GABBR1: variants seen among roughly 807,000 people sequenced by gnomAD.
GABBR1 encodes gamma-aminobutyric acid type B receptor subunit 1, also known as GABA-B receptor, R1 subunit.
Under a neutral mutation model 117.7 loss-of-function variants are expected in GABBR1, and 35 were observed. The observed-to-expected ratio is 0.30, with a 90% CI of 0.23 to 0.39. The LOEUF (loss-of-function observed/expected upper bound fraction) is 0.39, where lower values mean the gene tolerates loss of function less well. GABBR1 is among the 10% of genes least tolerant of loss of function. The pLI, the probability that GABBR1 is intolerant of heterozygous loss-of-function variation, is 1.00. For missense variants in GABBR1, 709 were observed against 1,241.8 expected, an observed-to-expected ratio of 0.57 and a Z score of 6.45; for synonymous variants, 442 against 486.6, an observed-to-expected ratio of 0.91 and a Z score of 1.21.
chr6:29,612,451 G>A (rs1226094343), intron 13 of GABBR1, 100 bp downstream of exon 13: 1 of 898,582 alleles, frequency 1.1e-6, no homozygotes, highest in African/African-American at 1.6e-5. Flanking sequence ...GGAGGTGCCA[G>A]GGCAATCTTG....
rs760132565 is a variant in GABBR1, at chr6:29,627,638, C to T, written c.505G>A (p.Ala169Thr). The T allele has an allele frequency of 3.2e-6, 5 of 1,552,874 alleles. 1 individual carries two copies. In the Admixed American group the frequency reaches 5.6e-5, roughly 17 times the overall value. ...VNRTPHSERR[A>T]VYIGALFPMS... ...GGAAACAGTGCCCCGATGTACACTG[C>T]GCGCCGTTCTGAGGAGGGGTGCGGG... is the stretch of plus-strand genomic sequence containing the variant. The change falls in exon 6 of 23, where the codon GCA becomes ACA. Residue 169 changes from alanine to threonine, a missense_variant. By Grantham distance (58) the Ala-to-Thr change is moderately conservative. Around this residue, in one of 9 missense-constraint regions of GABBR1, gnomAD observed 192 missense variants for 418.4 expected, o/e 0.46. Coordinates refer to ENST00000377034, the MANE Select transcript of GABBR1 (RefSeq NM_001470.4). The surrounding 1 kb of genome is among the most constrained non-coding windows in gnomAD (Gnocchi z 4.4).
chr6:29,630,780 C>T lies in GABBR1; in HGVS notation c.290-137G>A. The T allele has an allele frequency of 1.5e-6, 1 of 667,274 alleles. No individual in the cohort carries two copies. Among genetic ancestry groups the T allele is most frequent in the South Asian group, 2.0e-5 (1 of 49,910 alleles). The allele number at this position is 667,274 out of a possible 1,614,324, so 41.3% of individuals were successfully genotyped here. A position where few individuals can be genotyped will look rare whatever the true frequency, so the allele number is the denominator to read the frequency against. ...AAAATCACATGTGAAAAGGATTTGC[C>T]TACCTATCTTCCAATCCTCCCTTAC... On this transcript the variant is annotated intron_variant, in intron 3 of 22. Transcript: ENST00000377034. This position sits in a 1 kb window ranked among gnomAD's most constrained non-coding sequence, Gnocchi z 4.9.
chr6:29,605,139 AG>A lies in GABBR1; in HGVS notation c.2440-152del. The A allele has an allele frequency of 1.2e-6, 1 of 842,258 alleles. No homozygotes were observed. The highest frequency in any genetic ancestry group is 1.8e-6 in the Non-Finnish European group (1 of 561,940). The allele number at this position is 842,258 out of a possible 1,614,324, so 52.2% of individuals were successfully genotyped here. ...CAAATTCAGGATCATCCTCAAATAT[AG>A]ATTGAGAAAAATCTCAAACTGTCCC... On this transcript the variant is annotated intron_variant, in intron 20 of 22. Transcript: ENST00000377034. The surrounding 1 kb of genome is among the most constrained non-coding windows in gnomAD (Gnocchi z 4.2).
chr6:29,608,681 A>G lies in GABBR1; in HGVS notation c.1912T>C (p.Ser638Pro), dbSNP rs1230204536. 6.2e-7 allele frequency: 1 copy of G among 1,613,090 alleles called. No homozygotes were observed. The highest frequency in any genetic ancestry group is 1.7e-5 in the Admixed American group (1 of 60,034). The part of the protein sequence containing the change: ...NLNNLTAVGC[S>P]LALAAVFPLG... ...GGGAAGACAGCAGCTAAAGCCAGTG[A>G]GCAGCCCACAGCAGTCAGGTTGTTC... Residue 638 changes from serine (S) to proline (P), a missense_variant, in exon 16 of 23, where the codon TCA (serine) becomes CCA (proline). Coordinates refer to ENST00000377034, the MANE Select transcript of GABBR1 (RefSeq NM_001470.4).
At position 29,627,591 on chromosome 6, in the gene GABBR1, C is replaced by G; in HGVS notation, c.552G>C (p.Gly184=). ...CCACCGCGGGCTGGCAGGCCTGGCC[C>G]CCTGGCCAGCCCCCGCTCATGGGAA... ...ALFPMSGGWP[G]GQACQPAVEM... is the part of the protein sequence containing the mutation. The change falls in exon 6 of 23, where the codon GGG becomes GGC. Residue 184 remains glycine (G), a synonymous_variant. Coordinates refer to ENST00000377034, the MANE Select transcript of GABBR1 (RefSeq NM_001470.4). The surrounding 1 kb of genome is among the most constrained non-coding windows in gnomAD (Gnocchi z 4.4). The G allele has an allele frequency of 6.3e-7, 1 of 1,575,820 alleles. No individual in the cohort carries two copies. The highest frequency in any genetic ancestry group is 8.6e-7 in the Non-Finnish European group (1 of 1,162,208).
rs1441963542 is a variant in GABBR1 at position 29,621,493 on chromosome 6, G to A, written c.1132-201C>T. On this transcript the variant is annotated intron_variant, in intron 10 of 22. Transcript: ENST00000377034. This position sits in a 1 kb window ranked among gnomAD's most constrained non-coding sequence, Gnocchi z 5.0. ...TCCCCAGCCCCTGTATTTCTGAGTGGCCTTTTCCAGCCAGTCAGGACAGAT... is the reference window on the plus strand; with the variant it reads ...TCCCCAGCCCCTGTATTTCTGAGTGACCTTTTCCAGCCAGTCAGGACAGAT... 1.9e-4 allele frequency among the ~76,000 whole-genome samples: 29 copies of A among 152,114 alleles called. No homozygotes were observed. The highest frequency in any genetic ancestry group is 1.9e-3 in the Admixed American group (29 of 15,270).
chr6:29,606,011 C>T lies in GABBR1; in HGVS notation c.2312-315G>A. ...CCACACATGCCTCACCCTTACCCTA[C>T]AGGTGGGAAGGTGGCTTTCCAGGCA... On this transcript the variant is annotated intron_variant, in intron 19 of 22. Transcript: ENST00000377034. The surrounding 1 kb of genome is among the most constrained non-coding windows in gnomAD (Gnocchi z 4.5). The T allele has an allele frequency of 1.9e-6, 1 of 523,474 alleles. No homozygotes were observed. The highest frequency in any genetic ancestry group is 2.7e-5 in the South Asian group (1 of 37,354). 32.4% of individuals were successfully genotyped at this position (523,474 alleles called of 1,614,324 possible).
Position 29,622,382 on chromosome 6 carries a change from C to A in GABBR1, c.964-177G>T. 1.7e-6 allele frequency: 1 copy of A among 601,062 alleles called. No homozygotes were observed. The highest frequency in any genetic ancestry group is 3.0e-6 in the Non-Finnish European group (1 of 336,968). 37.2% of individuals were successfully genotyped at this position (601,062 alleles called of 1,614,324 possible). A position where few individuals can be genotyped will look rare whatever the true frequency, so the allele number is the denominator to read the frequency against. On this transcript the variant is annotated intron_variant, in intron 8 of 22. Coordinates refer to ENST00000377034, the MANE Select transcript of GABBR1 (RefSeq NM_001470.4). This position sits in a 1 kb window ranked among gnomAD's most constrained non-coding sequence, Gnocchi z 4.6. ...TGAGGAGTTCGGGAAGGCATCTGGT[C>A]TTAGGATGTGGATTCCAAGTGGGAA...
chr6:29,626,476 C>T (rs1486516112), intron 6 of GABBR1, among the ~76,000 whole-genome samples: 1 of 151,978 alleles, frequency 6.6e-6, no homozygotes, highest in Admixed American at 6.6e-5. Flanking sequence ...TCCCTGCACC[C>T]CCAATTATTC....
chr6:29,606,067 T>A lies in GABBR1; in HGVS notation c.2311+324A>T, dbSNP rs910209073. ...TAGGTTTGCAATTTGTGACCATGAA[T>A]CGAACAATGCTAATAAGGCCAAGGG... On this transcript the variant is annotated intron_variant, in intron 19 of 22. Coordinates refer to ENST00000377034, the MANE Select transcript of GABBR1 (RefSeq NM_001470.4). The surrounding 1 kb of genome is among the most constrained non-coding windows in gnomAD (Gnocchi z 4.5). 5.7e-6 allele frequency: 3 copies of A among 522,816 alleles called. No homozygotes were observed. Among genetic ancestry groups the A allele is most frequent in the African/African-American group, 5.7e-5 (3 of 52,968 alleles). The allele number at this position is 522,816 out of a possible 1,614,324, so 32.4% of individuals were successfully genotyped here.
chr6:29,625,646 C>T (rs1764197190), intron 6 of GABBR1, among the ~76,000 whole-genome samples: 1 of 152,132 alleles, frequency 6.6e-6, no homozygotes, highest in South Asian at 2.1e-4. Flanking sequence ...TCTGCCTTCC[C>T]ATCCCACCCC....
At position 29,611,873 on chromosome 6, in the gene GABBR1, A is replaced by G. The variant is rs113426125; in HGVS notation, c.1630+678T>C. 0.014 allele frequency among the ~76,000 whole-genome samples: 2,091 copies of G among 152,324 alleles called. 53 individuals carry two copies. Among genetic ancestry groups the G allele is most frequent in the South Asian group, 0.063 (304 of 4,824 alleles). Reference sequence around the variant, plus strand: ...TTAAAAAAAAAATAGCGGTTCTCCTAGATTCAGCTTTCTTGAGTCTAACTG... The same window carrying G: ...TTAAAAAAAAAATAGCGGTTCTCCTGGATTCAGCTTTCTTGAGTCTAACTG... On this transcript the variant is annotated intron_variant, in intron 13 of 22. Coordinates refer to ENST00000377034, the MANE Select transcript of GABBR1 (RefSeq NM_001470.4). The surrounding 1 kb of genome is among the most constrained non-coding windows in gnomAD (Gnocchi z 4.6).
chr6:29,610,822 C>T (rs1562089181), intron 14 of GABBR1, 102 bp downstream of exon 14: 1 of 1,018,016 alleles, frequency 9.8e-7, no homozygotes, highest in South Asian at 1.4e-5. Context: ...CAGCCACATT[C>T]CAACCTAACA....
At position 29,605,785 on chromosome 6, in the gene GABBR1, TGAAATG is replaced by T; in HGVS notation, c.2312-95_2312-90del. The T allele has an allele frequency of 1.3e-6, 2 of 1,499,844 alleles. No homozygotes were observed. The highest frequency in any genetic ancestry group is 4.6e-5 in the East Asian group (2 of 43,900). 92.9% of individuals were successfully genotyped at this position (1,499,844 alleles called of 1,614,324 possible). A position where few individuals can be genotyped will look rare whatever the true frequency, so the allele number is the denominator to read the frequency against. On this transcript the variant is annotated intron_variant, in intron 19 of 22. Transcript: ENST00000377034. This position sits in a 1 kb window ranked among gnomAD's most constrained non-coding sequence, Gnocchi z 4.2. ...TCCCCTCTCTGCCCTTCACCTACTCTGAAATGGAAAGGGGGCCCTCCTCTCCAATCC... is the reference window on the plus strand; with the variant it reads ...TCCCCTCTCTGCCCTTCACCTACTCTGAAAGGGGGCCCTCCTCTCCAATCC...
At position 29,623,171 on chromosome 6, in the gene GABBR1, C is replaced by T. The variant is rs1295515313; in HGVS notation, c.963+134G>A. 1.8e-5 allele frequency: 14 copies of T among 767,002 alleles called. No individual in the cohort carries two copies. In the Admixed American group the frequency reaches 3.4e-4, roughly 18 times the overall value. 47.5% of individuals were successfully genotyped at this position (767,002 alleles called of 1,614,324 possible). On this transcript the variant is annotated intron_variant, in intron 8 of 22. Coordinates refer to ENST00000377034, the MANE Select transcript of GABBR1 (RefSeq NM_001470.4). This position sits in a 1 kb window ranked among gnomAD's most constrained non-coding sequence, Gnocchi z 6.2. ...TCCCCTGGCTACAGAAAGAACTGCA[C>T]TTAATCCACATGGAATGCGTTCTCT... is the stretch of plus-strand genomic sequence containing the variant.
At position 29,611,028 on chromosome 6, in the gene GABBR1, A is replaced by G. The variant is rs776934185; in HGVS notation, c.1631-27T>C. On this transcript the variant is annotated intron_variant, in intron 13 of 22. Transcript: ENST00000377034. This position sits in a 1 kb window ranked among gnomAD's most constrained non-coding sequence, Gnocchi z 4.6. Reference sequence around the variant, plus strand: ...TGGGCAGACGACAATAAAAGGAGTGACCACAGGTAGCCAAAGAGCTGATCC... The same window carrying G: ...TGGGCAGACGACAATAAAAGGAGTGGCCACAGGTAGCCAAAGAGCTGATCC... 3.2e-6 allele frequency: 5 copies of G among 1,586,114 alleles called. No homozygotes were observed. Among genetic ancestry groups the G allele is most frequent in the African/African-American group, 1.3e-5 (1 of 74,406 alleles).
Position 29,604,735 on chromosome 6 carries a change from G to C in GABBR1, c.2569-98C>G. 6.3e-7 allele frequency: 1 copy of C among 1,596,262 alleles called. No homozygotes were observed. On this transcript the variant is annotated intron_variant, in intron 21 of 22. Transcript: ENST00000377034. This position sits in a 1 kb window ranked among gnomAD's most constrained non-coding sequence, Gnocchi z 5.3. ...GGTGGAAGGAATGCTGATAAGAGTT[G>C]GGCCCAAAACAAGGGGAGGAGTGAG...
In GABBR1 at chr6:29,622,858, T is replaced by TCC. The variant is rs1379404466; in HGVS notation, c.963+446_963+447insGG. 6.6e-6 allele frequency among the ~76,000 whole-genome samples: 1 copy of TCC among 151,674 alleles called. No individual in the cohort carries two copies. Among genetic ancestry groups the TCC allele is most frequent in the Non-Finnish European group, 1.5e-5 (1 of 67,936 alleles). On this transcript the variant is annotated intron_variant, in intron 8 of 22. Transcript: ENST00000377034. The surrounding 1 kb of genome is among the most constrained non-coding windows in gnomAD (Gnocchi z 4.6). ...CTCTCTCCTCTCCCTCATTCCTCTC[T>TCC]CTCTCTCTCTTTCCTCTCCCTCTCT...
chr6:29,603,742 A>G, intron 22 of GABBR1, 26 bp from the exon 23 acceptor site: 1 of 1,451,208 alleles, frequency 6.9e-7, no homozygotes, highest in Non-Finnish European at 9.1e-7. Flanking sequence ...CAATTGGGAT[A>G]GTAGGAGAAG....
Sources: allele counts gnomAD v4.1 joint callset (sites outside exome capture counted in the v4.1 genomes callset), GRCh38; gene constraint gnomAD v4.1.1; regional missense constraint gnomAD v4.1.1; non-coding constraint Gnocchi (gnomAD v3.1); transcripts MANE v1.5; gene names NCBI Gene and HGNC (gene_info 2026-07-23, HGNC 2026-07-21).